ALDH8A1: variants seen among roughly 807,000 people sequenced by gnomAD.
ALDH8A1 encodes the protein aldehyde dehydrogenase 8 family member A1.
In ALDH8A1, 39 loss-of-function variants were observed where a neutral mutation model predicts 43.3. The observed-to-expected ratio is 0.90, with a 90% CI of 0.70 to 1.18. The LOEUF is 1.18. Among genes scored for constraint, ALDH8A1 ranks in the 50% most tolerant of loss-of-function variants. ALDH8A1 has a pLI of 0.00. For synonymous variants in ALDH8A1, 233 were observed against 243.5 expected, an observed-to-expected ratio of 0.96 and a Z score of 0.40; for missense variants, 605 against 622.6, an observed-to-expected ratio of 0.97 and a Z score of 0.30.
chr6:134,927,124 G>A (rs1469266023), intron 6 of ALDH8A1, among the ~76,000 whole-genome samples: 2 of 152,178 alleles, frequency 1.3e-5, no homozygotes, highest in African/African-American at 4.8e-5. Flanking sequence ...TAAAGAGAGG[G>A]CCCCTGGAGT....
At chr6:134,935,184 A>G (rs916935478) in intron 4 of ALDH8A1, among the ~76,000 whole-genome samples, 1 of 152,206 alleles carries the variant, frequency 6.6e-6, no homozygotes, top group African/African-American at 2.4e-5. Flanking sequence ...CATGAACCTT[A>G]TGATTCTTCA....
intron 4 of ALDH8A1, among the ~76,000 whole-genome samples, chr6:134,938,935 C>T (rs1024515577): frequency 6.6e-6 from 1 of 152,176 alleles, no homozygotes; most frequent in South Asian, 2.1e-4. Flanking sequence ...GCGTGAACCA[C>T]CACACCTGGC....
chr6:134,922,699 A>T (rs1185178594), intron 6 of ALDH8A1, among the ~76,000 whole-genome samples: 1 of 152,096 alleles, frequency 6.6e-6, no homozygotes, highest in Non-Finnish European at 1.5e-5. Context: ...AACAGTGAAT[A>T]ACTTTTTAAC....
intron 2 of ALDH8A1, 116 bp from the exon 3 acceptor site, chr6:134,942,680 G>A (rs572160930): frequency 5.8e-6 from 6 of 1,037,538 alleles, no homozygotes; most frequent in African/African-American, 1.6e-5. Context: ...CTTCTAGCCC[G>A]GGGCAGGCAT....
At chr6:134,927,516 T>G (rs560683636) in intron 6 of ALDH8A1, among the ~76,000 whole-genome samples, 5 of 152,078 alleles carry the variant, frequency 3.3e-5, no homozygotes, top group South Asian at 2.1e-4. Flanking sequence ...CACGCGTGCA[T>G]GCACACACAC....
chr6:134,949,935 G>A lies in ALDH8A1; in HGVS notation c.119C>T (p.Pro40Leu), dbSNP rs201732746. 2.5e-5 allele frequency: 40 copies of A among 1,601,642 alleles called. No homozygotes were observed. The East Asian group carries it at 8.8e-4, about 35-fold the overall frequency. ...ACTCACCTCGTCTTTTCCACTATTT[G>A]GCACTCTGCAATACACTTCCCCTGT... ...PSTGEVYCRV[P>L]NSGKDEIEAA... Residue 40 changes from proline (P) to leucine (L), a missense_variant, in exon 1 of 7, where the codon CCA becomes CTA. Pro to Leu is a moderately conservative substitution (Grantham distance 98). Coordinates refer to ENST00000265605, the MANE Select transcript of ALDH8A1 (RefSeq NM_022568.4).
chr6:134,938,671 G>A (rs528112384), intron 4 of ALDH8A1, among the ~76,000 whole-genome samples: 9 of 151,308 alleles, frequency 5.9e-5, no homozygotes, highest in Non-Finnish European at 7.4e-5. Context: ...TTTTTGAGAC[G>A]GAGTCTCACT....
At chr6:134,920,067 C>G (rs567145445) in intron 6 of ALDH8A1, among the ~76,000 whole-genome samples, 7 of 152,124 alleles carry the variant, frequency 4.6e-5, no homozygotes, top group Non-Finnish European at 7.4e-5. Flanking sequence ...CAAGTCATCA[C>G]GTCTAATACA....
intron 5 of ALDH8A1, among the ~76,000 whole-genome samples, chr6:134,930,810 CA>C (rs1776972855): frequency 6.6e-6 from 1 of 152,200 alleles, no homozygotes; most frequent in South Asian, 2.1e-4. Context: ...AAGATGCCCA[CA>C]AGAAAGACTT....
intron 6 of ALDH8A1, among the ~76,000 whole-genome samples, chr6:134,927,036 C>G (rs1776894812): frequency 6.6e-6 from 1 of 152,140 alleles, no homozygotes; most frequent in Non-Finnish European, 1.5e-5. Flanking sequence ...TTGAGACCAC[C>G]TGAGGCTACC....
At position 134,949,932 on chromosome 6, in the gene ALDH8A1, T is replaced by C. The variant is rs372963782; in HGVS notation, c.122A>G (p.Asn41Ser). 62 of 1,603,412 alleles carry C rather than the reference T, an allele frequency of 3.9e-5. 1 individual carries two copies. Among genetic ancestry groups the C allele is most frequent in the East Asian group, 3.6e-4 (16 of 44,574 alleles). Residue 41 changes from asparagine (N) to serine (S), a missense_variant, in exon 1 of 7, where the codon AAT becomes AGT. Coordinates refer to ENST00000265605, the MANE Select transcript of ALDH8A1 (RefSeq NM_022568.4). ...STGEVYCRVP[N>S]SGKDEIEAAV... ...TATACTCACCTCGTCTTTTCCACTA[T>C]TTGGCACTCTGCAATACACTTCCCC...
At position 134,918,518 on chromosome 6, in the gene ALDH8A1, T is replaced by C; in HGVS notation, c.1361A>G (p.Asn454Ser). The change falls in exon 7 of 7, where the codon AAC becomes AGC. Residue 454 changes from asparagine to serine, a missense_variant. Coordinates refer to ENST00000265605, the MANE Select transcript of ALDH8A1 (RefSeq NM_022568.4). ...WTNCWLIREL[N>S]LPFGGMKSSG... ...ACTCTTCATCCCCCCGAAAGGAAGG[T>C]TCAGCTCCCTGATGAGCCAGCAGTT... The C allele has an allele frequency of 6.2e-7, 1 of 1,614,212 alleles. No individual in the cohort carries two copies. The highest frequency in any genetic ancestry group is 8.5e-7 in the Non-Finnish European group (1 of 1,180,032).
chr6:134,949,967 G>A lies in ALDH8A1; in HGVS notation c.87C>T (p.Asp29=). 1 of 1,612,558 alleles carries A rather than the reference G, an allele frequency of 6.2e-7. No individual in the cohort carries two copies. The part of the protein sequence containing the change: ...LPCSSYIDSY[D]PSTGEVYCRV... Reference sequence around the variant, plus strand: ...TGCAATACACTTCCCCTGTTGATGGGTCGTAAGAATCTATATATGAGCTAC... The same window carrying A: ...TGCAATACACTTCCCCTGTTGATGGATCGTAAGAATCTATATATGAGCTAC... The change falls in exon 1 of 7, where the codon GAC becomes GAT. Residue 29 remains aspartate (D), a synonymous_variant. Coordinates refer to ENST00000265605, the MANE Select transcript of ALDH8A1 (RefSeq NM_022568.4).
chr6:134,939,323 G>T lies in ALDH8A1; in HGVS notation c.535C>A (p.Pro179Thr). 1.2e-6 allele frequency: 2 copies of T among 1,614,216 alleles called. No individual in the cohort carries two copies. Among genetic ancestry groups the T allele is most frequent in the Non-Finnish European group, 1.7e-6 (2 of 1,180,038 alleles). The change falls in exon 4 of 7, where the codon CCC becomes ACC. Residue 179 changes from proline (P) to threonine (T), a missense_variant. Transcript: ENST00000265605. ...GCAGTCACTGAAGTCAGCTCACTGG[G>T]CTTGGCTATCACAGTGTTCCCTGCA... ...MAAGNTVIAK[P>T]SELTSVTAWM...
chr6:134,947,035 T>C (rs1381583895), intron 1 of ALDH8A1, among the ~76,000 whole-genome samples: 3 of 152,178 alleles, frequency 2.0e-5, no homozygotes, highest in Admixed American at 1.3e-4. Flanking sequence ...AACAGACACA[T>C]AGACCAGTGA....
In ALDH8A1 at chr6:134,943,878, A is replaced by G. The variant is rs766552802; in HGVS notation, c.227T>C (p.Val76Ala). 1.2e-6 allele frequency: 2 copies of G among 1,614,056 alleles called. No homozygotes were observed. Among genetic ancestry groups the G allele is most frequent in the African/African-American group, 2.7e-5 (2 of 74,912 alleles). The change falls in exon 2 of 7, where the codon GTG (valine) becomes GCG (alanine). Residue 76 changes from valine to alanine, a missense_variant. Coordinates refer to ENST00000265605, the MANE Select transcript of ALDH8A1 (RefSeq NM_022568.4). ...PQERSRVLNQ[V>A]ADLLEQSLEE... is the part of the protein sequence containing the mutation. Reference sequence around the variant, plus strand: ...CAGGGACTGCTCCAGCAAATCCGCCACCTGGTTCAGGACCCGTGAGCGCTC... The same window carrying G: ...CAGGGACTGCTCCAGCAAATCCGCCGCCTGGTTCAGGACCCGTGAGCGCTC...
intron 2 of ALDH8A1, 100 bp from the exon 3 acceptor site, chr6:134,942,664 G>C: frequency 7.9e-7 from 1 of 1,260,716 alleles, no homozygotes; most frequent in Non-Finnish European, 1.1e-6. Flanking sequence ...GAAACAGCCT[G>C]GATTCCTTCT....
chr6:134,943,211 C>T (rs1773889718), intron 2 of ALDH8A1, among the ~76,000 whole-genome samples: 1 of 152,204 alleles, frequency 6.6e-6, no homozygotes, highest in Admixed American at 6.5e-5. Context: ...TTTTTAAGGG[C>T]TTGGACTCAG....
At chr6:134,933,134 G>A in intron 4 of ALDH8A1, 102 bp from the exon 5 acceptor site, 1 of 1,329,472 alleles carries the variant, frequency 7.5e-7, no homozygotes, top group Middle Eastern at 2.2e-4. Flanking sequence ...AATGGGAGTG[G>A]GTAGGGATGG....
Sources: allele counts gnomAD v4.1 joint callset (sites outside exome capture counted in the v4.1 genomes callset), GRCh38; gene constraint gnomAD v4.1.1; transcripts MANE v1.5; gene names NCBI Gene and HGNC (gene_info 2026-07-23, HGNC 2026-07-21).